Variants in MACROD2 observed in about 807,000 individuals in gnomAD.
MACROD2 encodes mono-ADP ribosylhydrolase 2.
MACROD2 carries 36 observed loss-of-function variants against 70.4 expected under a neutral mutation model. The ratio of observed to expected loss-of-function variants is 0.51; its 90% confidence interval spans 0.39 to 0.68. The LOEUF (loss-of-function observed/expected upper bound fraction) is 0.68. Ranked by LOEUF, MACROD2 falls within the 30% of genes least tolerant of loss-of-function variation. The pLI is 0.00. For synonymous variants in MACROD2, 172 were observed against 178.8 expected (o/e 0.96, Z 0.30); for missense variants, 496 against 538.4 (o/e 0.92, Z 0.78).
chr20:15,081,706 AAAAC>A (rs1030788078), intron 5 of MACROD2, among the ~76,000 whole-genome samples: 8 of 152,176 alleles, frequency 5.3e-5, no homozygotes, highest in African/African-American at 7.2e-5. Flanking sequence ...TCTGATAGGA[AAAAC>A]AAAACACTTG....
At chr20:15,894,106 G>A (rs2064933081) in intron 10 of MACROD2, 1 of 366,036 alleles carries the variant, frequency 2.7e-6, no homozygotes, top group African/African-American at 2.1e-5. Context: ...TGGTTGCTGG[G>A]TGCTGTCAGC....
chr20:15,484,868 G>A (rs2208135), intron 7 of MACROD2, among the ~76,000 whole-genome samples: 71,517 of 151,922 alleles, frequency 0.47, 17,876 homozygotes, highest in Non-Finnish European at 0.56. Flanking sequence ...CGTTCCTGCG[G>A]AGGCTTCTGC....
intron 3 of MACROD2, among the ~76,000 whole-genome samples, chr20:14,369,610 C>T (rs1320610174): frequency 3.3e-5 from 5 of 152,198 alleles, no homozygotes; most frequent in East Asian, 1.9e-4. Flanking sequence ...CTACCTACTC[C>T]GTCATCTTCA....
At chr20:14,178,517 A>G (rs2081282032) in intron 3 of MACROD2, among the ~76,000 whole-genome samples, 1 of 152,170 alleles carries the variant, frequency 6.6e-6, no homozygotes. Context: ...CTCATTTGTG[A>G]GAAAAACATA....
chr20:15,658,522 A>G (rs1399630292), intron 8 of MACROD2, among the ~76,000 whole-genome samples: 1 of 152,150 alleles, frequency 6.6e-6, no homozygotes. Flanking sequence ...ATTGGCGGTA[A>G]GAGAGAAGTG....
chr20:15,146,511 T>A (rs392189), intron 5 of MACROD2, among the ~76,000 whole-genome samples: 2 of 152,102 alleles, frequency 1.3e-5, no homozygotes, highest in South Asian at 4.1e-4. Context: ...TTCTAGAAAT[T>A]CAGAATTCAC....
intron 8 of MACROD2, among the ~76,000 whole-genome samples, chr20:15,638,124 G>C (rs1002512388): frequency 1.3e-5 from 2 of 152,112 alleles, no homozygotes; most frequent in African/African-American, 4.8e-5. Context: ...ATGCCACCTG[G>C]CTGCAAAACA....
At chr20:15,256,133 G>A (rs932832276) in intron 6 of MACROD2, among the ~76,000 whole-genome samples, 2 of 151,972 alleles carry the variant, frequency 1.3e-5, no homozygotes, top group African/African-American at 4.8e-5. Context: ...ATAAATCCTG[G>A]TCAAAAGCGA....
intron 6 of MACROD2, among the ~76,000 whole-genome samples, chr20:15,420,854 G>C (rs1479404729): frequency 6.6e-6 from 1 of 152,108 alleles, no homozygotes; most frequent in Non-Finnish European, 1.5e-5. Flanking sequence ...GGCAGGCCGA[G>C]GCAGGAGGAT....
intron 5 of MACROD2, among the ~76,000 whole-genome samples, chr20:14,769,614 A>G (rs1183640932): frequency 1.3e-5 from 2 of 152,100 alleles, no homozygotes; most frequent in Non-Finnish European, 2.9e-5. Context: ...ACACTCAAAA[A>G]TGATTCAGGG....
At chr20:14,783,490 C>T (rs968683843) in intron 5 of MACROD2, among the ~76,000 whole-genome samples, 3 of 152,128 alleles carry the variant, frequency 2.0e-5, no homozygotes, top group Non-Finnish European at 4.4e-5. Context: ...CTTACACTAA[C>T]ACGTGGTTTT....
In MACROD2 at chr20:15,483,303, T is replaced by C. The variant is rs932547059; in HGVS notation, c.572-16471T>C. The stretch of plus-strand genomic sequence containing the variant: ...ATTGTCCAGTTGTTCCAGCCCAGTT[T>C]GTTGAAAAGACTTGCTTCATTGTAG... On this transcript the variant is annotated intron_variant, in intron 7 of 17. Transcript: ENST00000684519. Among the ~76,000 whole-genome samples, 6 of 152,318 alleles carry C rather than the reference T, an allele frequency of 3.9e-5. No individual in the cohort carries two copies. The South Asian group carries it at 6.2e-4, about 16-fold the overall frequency.
At chr20:15,457,958 A>G (rs1187396416) in intron 7 of MACROD2, among the ~76,000 whole-genome samples, 6 of 150,822 alleles carry the variant, frequency 4.0e-5, no homozygotes, top group African/African-American at 1.5e-4. Context: ...TGAAAAAAAA[A>G]AAAAGAAAAA....
At chr20:15,515,954 G>A (rs1568861528) in intron 8 of MACROD2, among the ~76,000 whole-genome samples, 1 of 152,164 alleles carries the variant, frequency 6.6e-6, no homozygotes. Context: ...AGGACAAATT[G>A]GAGACAGTCA....
At chr20:14,165,831 T>TA (rs1342530822) in intron 3 of MACROD2, among the ~76,000 whole-genome samples, 3 of 152,210 alleles carry the variant, frequency 2.0e-5, no homozygotes, top group South Asian at 4.1e-4. Flanking sequence ...TTTTAATCAT[T>TA]AGCTATGTTA....
At chr20:15,924,708 T>G (rs1324182491) in intron 10 of MACROD2, among the ~76,000 whole-genome samples, 3 of 152,206 alleles carry the variant, frequency 2.0e-5, no homozygotes, top group Non-Finnish European at 4.4e-5. Flanking sequence ...GACAAAGCTA[T>G]ATAACAGCTT....
chr20:15,055,711 A>G (rs1437081165), intron 5 of MACROD2, among the ~76,000 whole-genome samples: 1 of 151,924 alleles, frequency 6.6e-6, no homozygotes, highest in Admixed American at 6.6e-5. Flanking sequence ...CCCAGAGTAT[A>G]TTTAGGAGGA....
intron 5 of MACROD2, among the ~76,000 whole-genome samples, chr20:14,736,792 A>C (rs371633031): frequency 2.0e-5 from 3 of 152,144 alleles, no homozygotes; most frequent in Non-Finnish European, 4.4e-5. Context: ...AAGAGATTTG[A>C]TTCTAATTGG....
chr20:14,960,564 C>G (rs964625246), intron 5 of MACROD2, among the ~76,000 whole-genome samples: 1 of 152,140 alleles, frequency 6.6e-6, no homozygotes, highest in Non-Finnish European at 1.5e-5. Flanking sequence ...AATGCATCTA[C>G]CATATTGTGT....
Sources: allele counts gnomAD v4.1 joint callset (sites outside exome capture counted in the v4.1 genomes callset), GRCh38; gene constraint gnomAD v4.1.1; transcripts MANE v1.5; gene names NCBI Gene and HGNC (gene_info 2026-07-23, HGNC 2026-07-21).